Variants in METTL8 observed in about 807,000 individuals in gnomAD.
METTL8 encodes the protein tRNA N(3)-cytidine methyltransferase METTL8, mitochondrial.
Under a neutral mutation model 48.7 loss-of-function variants are expected in METTL8, and 32 were observed. That is an observed-to-expected ratio of 0.66 (90% confidence interval 0.50 to 0.88). The LOEUF (loss-of-function observed/expected upper bound fraction) is 0.88, where lower values mean the gene tolerates loss of function less well. METTL8 is among the 40% of genes least tolerant of loss of function. METTL8 has a pLI of 0.00. For missense variants in METTL8, 464 were observed against 474.4 expected (o/e 0.98, Z 0.20); for synonymous variants, 136 against 157.1 (o/e 0.87, Z 1.01).
At chr2:171,361,103 C>G (rs371269653) in intron 2 of METTL8, among the ~76,000 whole-genome samples, 8 of 152,150 alleles carry the variant, frequency 5.3e-5, no homozygotes, top group African/African-American at 1.9e-4. Flanking sequence ...AGTTCTGGTA[C>G]TTTCTATAAG....
chr2:171,425,251 T>G (rs1692285242), intron 1 of METTL8, among the ~76,000 whole-genome samples: 1 of 152,176 alleles, frequency 6.6e-6, no homozygotes, highest in Admixed American at 6.5e-5. Context: ...ACTAATACAA[T>G]GCACATACCA....
At chr2:171,427,598 C>T (rs1477331607) in intron 1 of METTL8, among the ~76,000 whole-genome samples, 1 of 152,180 alleles carries the variant, frequency 6.6e-6, no homozygotes, top group African/African-American at 2.4e-5. Context: ...TGGACTACTA[C>T]TCTGGACTGT....
rs1684476191 is a variant in METTL8 at position 171,320,532 on chromosome 2, C to T, written c.*3640G>A. The T allele has an allele frequency of 6.6e-6, 1 of 152,130 alleles. No individual in the cohort carries two copies. The highest frequency in any genetic ancestry group is 2.1e-4 in the South Asian group (1 of 4,826). 9.4% of individuals were successfully genotyped at this position (152,130 alleles called of 1,614,324 possible). ...TACCTTCTGTTGTTTTTGAAACCAC[C>T]TTGGGCCATGATTTTTAAACGGAGA... On this transcript the variant is annotated 3_prime_UTR_variant, in exon 10 of 10. Transcript: ENST00000375258.
chr2:171,423,215 T>C (rs1165299563), intron 1 of METTL8, among the ~76,000 whole-genome samples: 1 of 152,220 alleles, frequency 6.6e-6, no homozygotes, highest in Non-Finnish European at 1.5e-5. Context: ...TGTGAGACAA[T>C]TAAACCTCTT....
intron 3 of METTL8, among the ~76,000 whole-genome samples, chr2:171,354,550 G>A (rs1039683304): frequency 1.3e-5 from 2 of 152,220 alleles, no homozygotes; most frequent in Non-Finnish European, 2.9e-5. Context: ...ATCCTGAAGA[G>A]TGTTTTCCAA....
chr2:171,417,516 C>T (rs1691434660), intron 1 of METTL8, among the ~76,000 whole-genome samples: 1 of 152,180 alleles, frequency 6.6e-6, no homozygotes, highest in African/African-American at 2.4e-5. Context: ...TCTTCACTAA[C>T]AGATAAAGAA....
chr2:171,415,340 T>C (rs1292054325), intron 1 of METTL8, among the ~76,000 whole-genome samples: 3 of 149,854 alleles, frequency 2.0e-5, no homozygotes, highest in African/African-American at 2.5e-5. Context: ...TCTTAATATA[T>C]CTCGAAATCT....
chr2:171,383,080 A>G (rs1329140237), intron 2 of METTL8, among the ~76,000 whole-genome samples: 1 of 152,128 alleles, frequency 6.6e-6, no homozygotes, highest in Non-Finnish European at 1.5e-5. Context: ...TGTGAAAAAA[A>G]CAAACAAACA....
chr2:171,333,956 G>A (rs914414108), intron 5 of METTL8, among the ~76,000 whole-genome samples: 63 of 152,192 alleles, frequency 4.1e-4, no homozygotes, highest in African/African-American at 1.2e-3. Context: ...TTCAGAGTAA[G>A]CACTCAATAA....
chr2:171,410,996 G>GT (rs1172465425), intron 1 of METTL8, among the ~76,000 whole-genome samples: 1 of 152,130 alleles, frequency 6.6e-6, no homozygotes, highest in Non-Finnish European at 1.5e-5. Flanking sequence ...TTTAAAAAGT[G>GT]TTTTTATTTA....
intron 1 of METTL8, among the ~76,000 whole-genome samples, chr2:171,432,475 TGA>T (rs1693164934): frequency 6.6e-6 from 1 of 152,062 alleles, no homozygotes; most frequent in Non-Finnish European, 1.5e-5. Flanking sequence ...GAAAGAGAAA[TGA>T]GAGAGTTGAT....
chr2:171,389,680 C>G (rs1259141632), intron 2 of METTL8, among the ~76,000 whole-genome samples: 5 of 152,114 alleles, frequency 3.3e-5, no homozygotes, highest in Non-Finnish European at 7.3e-5. Flanking sequence ...GAGCAAGGCC[C>G]TAACTTTCTT....
chr2:171,371,968 C>T (rs1686407776), intron 2 of METTL8, among the ~76,000 whole-genome samples: 1 of 151,962 alleles, frequency 6.6e-6, no homozygotes, highest in South Asian at 2.1e-4. Flanking sequence ...GGATTACAGG[C>T]ATGAGTGAGC....
chr2:171,331,361 G>A (rs190724198), intron 6 of METTL8, among the ~76,000 whole-genome samples: 20 of 150,318 alleles, frequency 1.3e-4, no homozygotes, highest in Admixed American at 1.3e-3. Context: ...CGCCTGCCTC[G>A]GCCTCCCAAA....
At chr2:171,358,201 A>G (rs1453983941) in intron 3 of METTL8, among the ~76,000 whole-genome samples, 1 of 152,020 alleles carries the variant, frequency 6.6e-6, no homozygotes, top group East Asian at 1.9e-4. Flanking sequence ...AAATACAAAC[A>G]TTAGCTGGGT....
At chr2:171,384,442 C>T (rs1687855134) in intron 2 of METTL8, among the ~76,000 whole-genome samples, 1 of 152,200 alleles carries the variant, frequency 6.6e-6, no homozygotes, top group South Asian at 2.1e-4. Context: ...CCCAGGTGGT[C>T]GAGGCTGCAG....
intron 1 of METTL8, among the ~76,000 whole-genome samples, chr2:171,413,281 C>G (rs1051297692): frequency 6.6e-6 from 1 of 152,160 alleles, no homozygotes; most frequent in African/African-American, 2.4e-5. Context: ...ACAAAGCACT[C>G]CTCCCCTTTC....
intron 5 of METTL8, 139 bp from the exon 6 acceptor site, chr2:171,332,006 C>T: frequency 1.7e-6 from 1 of 595,146 alleles, no homozygotes; most frequent in Non-Finnish European, 3.0e-6. Flanking sequence ...CTTCCTCAGC[C>T]TTCTGAGTAG....
intron 1 of METTL8, among the ~76,000 whole-genome samples, chr2:171,430,755 A>G (rs1359457334): frequency 6.6e-6 from 1 of 152,162 alleles, no homozygotes; most frequent in Non-Finnish European, 1.5e-5. Flanking sequence ...AGCTGAAGAC[A>G]GCTTAAAGCC....
Sources: allele counts gnomAD v4.1 joint callset (sites outside exome capture counted in the v4.1 genomes callset), GRCh38; gene constraint gnomAD v4.1.1; transcripts MANE v1.5; gene names NCBI Gene and HGNC (gene_info 2026-07-23, HGNC 2026-07-21).